Variants in GRAMD1C observed in about 807,000 individuals in gnomAD.
The protein encoded by GRAMD1C is protein Aster-C.
GRAMD1C carries 89 observed loss-of-function variants against 97.8 expected under a neutral mutation model. The observed-to-expected ratio is 0.91, with a 90% CI of 0.77 to 1.09. GRAMD1C has a LOEUF of 1.09. Among genes scored for constraint, GRAMD1C ranks in the 50% least tolerant of loss-of-function variants. The pLI, the probability that GRAMD1C is intolerant of heterozygous loss-of-function variation, is 0.00. For missense variants in GRAMD1C, 740 were observed against 766.4 expected, an observed-to-expected ratio of 0.97 and a Z score of 0.41; for synonymous variants, 256 against 267.0, an observed-to-expected ratio of 0.96 and a Z score of 0.40.
At chr3:113,877,457 C>G (rs1165065227) in intron 5 of GRAMD1C, among the ~76,000 whole-genome samples, 1 of 152,152 alleles carries the variant, frequency 6.6e-6, no homozygotes, top group African/African-American at 2.4e-5. Context: ...TTATCATGCT[C>G]TTTAATTTCC....
intron 9 of GRAMD1C, among the ~76,000 whole-genome samples, chr3:113,913,437 A>G (rs1182377869): frequency 1.3e-4 from 20 of 151,082 alleles, no homozygotes; most frequent in African/African-American, 4.3e-4. Context: ...TCCAAAAAAA[A>G]AAAAAAAAAA....
chr3:113,945,571 T>C lies in GRAMD1C; in HGVS notation c.*93T>C, dbSNP rs1938031888. ...GAATGAAGGATTTTGGCATAGAACA[T>C]TTCTATGTTTTTTCATTATTGAGAT... is the stretch of plus-strand genomic sequence containing the variant. On this transcript the variant is annotated 3_prime_UTR_variant, in exon 18 of 18. Transcript: ENST00000358160. 2 of 686,190 alleles carry C rather than the reference T, an allele frequency of 2.9e-6. No individual in the cohort carries two copies. Among genetic ancestry groups the C allele is most frequent in the Non-Finnish European group, 5.2e-6 (2 of 383,562 alleles). The allele number at this position is 686,190 out of a possible 1,614,324, so 42.5% of individuals were successfully genotyped here.
chr3:113,870,384 A>G (rs1205189126), intron 3 of GRAMD1C, among the ~76,000 whole-genome samples: 1 of 152,008 alleles, frequency 6.6e-6, no homozygotes, highest in Non-Finnish European at 1.5e-5. Flanking sequence ...CCGCTCAAAA[A>G]AAAAAAGAGA....
intron 7 of GRAMD1C, among the ~76,000 whole-genome samples, chr3:113,903,386 C>T (rs1167764830): frequency 6.6e-6 from 1 of 152,152 alleles, no homozygotes; most frequent in Non-Finnish European, 1.5e-5. Flanking sequence ...TTTATTTCCT[C>T]GGTTCTTCCA....
At position 113,939,887 on chromosome 3, in the gene GRAMD1C, GTGT is replaced by G; in HGVS notation, c.1698_1700del (p.Leu568del). The G allele has an allele frequency of 6.5e-7, 1 of 1,528,386 alleles. No homozygotes were observed. Among genetic ancestry groups the G allele is most frequent in the Non-Finnish European group, 9.1e-7 (1 of 1,101,710 alleles). The allele number at this position is 1,528,386 out of a possible 1,614,324, so 94.7% of individuals were successfully genotyped here. On this transcript the variant is annotated inframe_deletion and splice_region_variant, in exon 16 of 18. Coordinates refer to ENST00000358160, the MANE Select transcript of GRAMD1C (RefSeq NM_017577.5). Reference sequence around the variant, plus strand: ...TAACATATAATTTGCTCTGCCTAGTGTGTTGTTATTAGTTTTGTTGAATGTGAC... The same window carrying G: ...TAACATATAATTTGCTCTGCCTAGTGTGTTATTAGTTTTGTTGAATGTGAC...
At position 113,934,546 on chromosome 3, in the gene GRAMD1C, T is replaced by A; in HGVS notation, c.1456+11T>A. On this transcript the variant is annotated intron_variant, in intron 13 of 17. Transcript: ENST00000358160. ...ATTTCAAACAGCTTGGTTTGTAAATTTTTTTATTTATCTATTTTTGTAAAG... is the reference window on the plus strand; with the variant it reads ...ATTTCAAACAGCTTGGTTTGTAAATATTTTTATTTATCTATTTTTGTAAAG... 8.3e-7 allele frequency: 1 copy of A among 1,198,378 alleles called. No homozygotes were observed. Among genetic ancestry groups the A allele is most frequent in the Non-Finnish European group, 1.2e-6 (1 of 832,500 alleles). The allele number at this position is 1,198,378 out of a possible 1,614,324, so 74.2% of individuals were successfully genotyped here.
At chr3:113,870,061 T>C (rs991815004) in intron 3 of GRAMD1C, among the ~76,000 whole-genome samples, 21 of 152,058 alleles carry the variant, frequency 1.4e-4, no homozygotes, top group African/African-American at 4.6e-4. Flanking sequence ...ATTGATCTCA[T>C]GGAGATAGAG....
chr3:113,925,698 T>C (rs1172771227), intron 10 of GRAMD1C, among the ~76,000 whole-genome samples: 1 of 152,186 alleles, frequency 6.6e-6, no homozygotes, highest in East Asian at 1.9e-4. Flanking sequence ...CTTAAGTGTG[T>C]TTTTGTGGTG....
At chr3:113,843,030 T>C (rs1173864703) in intron 1 of GRAMD1C, among the ~76,000 whole-genome samples, 1 of 143,894 alleles carries the variant, frequency 6.9e-6, no homozygotes, top group Non-Finnish European at 1.5e-5. Context: ...TATTTAAGGA[T>C]CCTGGTCCAC....
Sources: gnomAD v4.1 joint callset for allele counts (sites outside exome capture counted in the v4.1 genomes callset) on GRCh38, gnomAD v4.1.1 for gene constraint, MANE v1.5 for transcripts, NCBI Gene and HGNC (gene_info 2026-07-23, HGNC 2026-07-21) for gene names.